PITPNA: variants seen among roughly 807,000 people sequenced by gnomAD.
The protein encoded by PITPNA is phosphatidylinositol transfer protein alpha.
Under a neutral mutation model 50.3 loss-of-function variants are expected in PITPNA, and 13 were observed. The observed-to-expected ratio is 0.26, with a 90% CI of 0.17 to 0.41. PITPNA has a LOEUF of 0.41. Ranked by LOEUF, PITPNA falls within the 10% of genes least tolerant of loss-of-function variation. The probability of loss-of-function intolerance (pLI) is 1.00; values close to 1 mark genes in which losing one functional copy is unlikely to be tolerated. For missense variants in PITPNA, 207 were observed against 333.4 expected (o/e 0.62, Z 2.95); for synonymous variants, 120 against 119.6 (o/e 1.00, Z -0.02).
chr17:1,554,903 T>C (rs1399584868), intron 2 of PITPNA, among the ~76,000 whole-genome samples: 1 of 152,212 alleles, frequency 6.6e-6, no homozygotes, highest in Non-Finnish European at 1.5e-5. Flanking sequence ...AATCCTAAGC[T>C]GCATCAGTGC....
At chr17:1,546,632 G>A (rs888563121) in intron 4 of PITPNA, among the ~76,000 whole-genome samples, 3 of 152,112 alleles carry the variant, frequency 2.0e-5, no homozygotes, top group African/African-American at 4.8e-5. Flanking sequence ...GGAGGCTGGT[G>A]GGAGGAAAGG....
intron 3 of PITPNA, among the ~76,000 whole-genome samples, chr17:1,548,884 T>C (rs1598411427): frequency 1.3e-5 from 2 of 152,318 alleles, no homozygotes; most frequent in East Asian, 1.9e-4. Flanking sequence ...CAAAGTATTT[T>C]CTTCTACTCA....
chr17:1,529,007 G>A (rs113615202), intron 10 of PITPNA, among the ~76,000 whole-genome samples: 14,215 of 151,230 alleles, frequency 0.094, 824 homozygotes, highest in East Asian at 0.14. Context: ...GCGTGGTGGC[G>A]CACACCTGTA....
chr17:1,560,446 G>A (rs1161872076), intron 1 of PITPNA, among the ~76,000 whole-genome samples: 5 of 152,322 alleles, frequency 3.3e-5, no homozygotes, highest in African/African-American at 4.8e-5. Context: ...CACGGGGCAC[G>A]AGTCGGGCAG....
At chr17:1,541,722 T>C (rs1251459170) in intron 5 of PITPNA, 82 bp from the exon 6 acceptor site, 1 of 875,754 alleles carries the variant, frequency 1.1e-6, no homozygotes, top group South Asian at 1.4e-5. Context: ...AGATGGGCAT[T>C]ACTGGATCAT....
Position 1,517,911 on chromosome 17 carries a change from T to C in PITPNA, c.*2650A>G, listed in dbSNP as rs1187233036. 6.6e-6 allele frequency: 1 copy of C among 152,554 alleles called. No homozygotes were observed. Among genetic ancestry groups the C allele is most frequent in the East Asian group, 1.9e-4 (1 of 5,202 alleles). 9.5% of individuals were successfully genotyped at this position (152,554 alleles called of 1,614,324 possible). ...GTACCTCTTCCTAATCCTGCCCTGG[T>C]AAAATGGCGGTTATCAGTGCAAGTT... On this transcript the variant is annotated 3_prime_UTR_variant, in exon 12 of 12. Transcript: ENST00000313486.
intron 3 of PITPNA, 107 bp downstream of exon 3, chr17:1,552,897 G>T: frequency 9.3e-7 from 1 of 1,077,016 alleles, no homozygotes; most frequent in African/African-American, 1.6e-5. Flanking sequence ...TAATTGTTAG[G>T]ATATAACAAT....
At position 1,521,700 on chromosome 17, in the gene PITPNA, G is replaced by A. The variant is rs532864210; in HGVS notation, c.769-55C>T. On this transcript the variant is annotated intron_variant, in intron 10 of 11. Transcript: ENST00000313486. ...GGCTCCTGCTGCTGATGGAACTCCT[G>A]CCTTCTCAGTCCTGCCCATAGGTGG... is the stretch of plus-strand genomic sequence containing the variant. 33 of 1,460,204 alleles carry A rather than the reference G, an allele frequency of 2.3e-5. No individual in the cohort carries two copies. The African/African-American group carries it at 3.8e-4, about 17-fold the overall frequency. The allele number at this position is 1,460,204 out of a possible 1,614,324, so 90.5% of individuals were successfully genotyped here.
At chr17:1,558,036 G>C (rs1478571130) in intron 2 of PITPNA, among the ~76,000 whole-genome samples, 1 of 152,130 alleles carries the variant, frequency 6.6e-6, no homozygotes, top group African/African-American at 2.4e-5. Context: ...TTTGAGACCA[G>C]CCTGGCCAAC....
intron 4 of PITPNA, among the ~76,000 whole-genome samples, 188 bp from the exon 5 acceptor site, chr17:1,543,215 C>G (rs904269545): frequency 6.6e-6 from 1 of 152,132 alleles, no homozygotes; most frequent in African/African-American, 2.4e-5. Context: ...TCAAATTTCA[C>G]TCAGACAAAC....
intron 10 of PITPNA, among the ~76,000 whole-genome samples, chr17:1,529,153 A>AGAGAGAG (rs764282490): frequency 0.01 from 551 of 53,352 alleles, 1 homozygote; most frequent in South Asian, 0.018. Context: ...AAAAAAAAAA[A>AGAGAGAG]AAAGAGAGAG....
rs775085618 is a variant in PITPNA, at chr17:1,534,165, C to T, written c.702G>A (p.Lys234=). ...FHRQLFCWLD[K]WVDLTMDDIR... ...TGTCGTCCATGGTCAGGTCAACCCA[C>T]TTATCGAGCCAACAGAACAGCTGCC... The change falls in exon 10 of 12, where the codon AAG becomes AAA. Residue 234 remains lysine, a synonymous_variant. Coordinates refer to ENST00000313486, the MANE Select transcript of PITPNA (RefSeq NM_006224.4). 2.5e-6 allele frequency: 4 copies of T among 1,613,954 alleles called. No homozygotes were observed. Among genetic ancestry groups the T allele is most frequent in the Non-Finnish European group, 3.4e-6 (4 of 1,179,864 alleles).
intron 7 of PITPNA, among the ~76,000 whole-genome samples, chr17:1,538,218 CA>C (rs2075629414): frequency 1.3e-5 from 2 of 152,172 alleles, no homozygotes; most frequent in Admixed American, 6.5e-5. Flanking sequence ...CTTTTAATCC[CA>C]ATGAGGCCTC....
intron 2 of PITPNA, among the ~76,000 whole-genome samples, chr17:1,554,577 T>C (rs530331350): frequency 6.6e-6 from 1 of 152,088 alleles, no homozygotes; most frequent in South Asian, 2.1e-4. Context: ...AGAAAGGATG[T>C]ATCTCTAGGC....
intron 9 of PITPNA, among the ~76,000 whole-genome samples, chr17:1,534,893 A>G (rs1293979731): frequency 6.6e-6 from 1 of 152,250 alleles, no homozygotes; most frequent in Non-Finnish European, 1.5e-5. Flanking sequence ...GGAAGCCGCC[A>G]AACTGTGAGG....
At chr17:1,526,364 G>C (rs1449588492) in intron 10 of PITPNA, among the ~76,000 whole-genome samples, 1 of 152,228 alleles carries the variant, frequency 6.6e-6, no homozygotes, top group Non-Finnish European at 1.5e-5. Context: ...TGATGAATGG[G>C]GTGAAGCGCG....
chr17:1,537,457 CCAAAGTG>C (rs201404406), intron 7 of PITPNA, among the ~76,000 whole-genome samples: 1,823 of 152,326 alleles, frequency 0.012, 39 homozygotes, highest in African/African-American at 0.041. Context: ...CCTCGGTCTC[CCAAAGTG>C]CTGGGATTAC....
chr17:1,534,180 GAACA>G lies in PITPNA; in HGVS notation c.683_686del (p.Leu228ProfsTer10). The G allele has an allele frequency of 6.2e-7, 1 of 1,613,870 alleles. No individual in the cohort carries two copies. Among genetic ancestry groups the G allele is most frequent in the Non-Finnish European group, 8.5e-7 (1 of 1,179,840 alleles). On this transcript the variant is annotated frameshift_variant, in exon 10 of 12. Transcript: ENST00000313486. LOFTEE classifies it high-confidence loss of function. ...GGTCAACCCACTTATCGAGCCAACA[GAACA>G]GCTGCCTGTGGAAGTTTGTAAACAG...
chr17:1,548,793 G>A (rs761356797), intron 3 of PITPNA, among the ~76,000 whole-genome samples: 1 of 152,214 alleles, frequency 6.6e-6, no homozygotes, highest in Non-Finnish European at 1.5e-5. Flanking sequence ...GACTAACTTG[G>A]GTTTGGGATC....
Sources: allele counts gnomAD v4.1 joint callset (sites outside exome capture counted in the v4.1 genomes callset), GRCh38; gene constraint gnomAD v4.1.1; transcripts MANE v1.5; gene names NCBI Gene and HGNC (gene_info 2026-07-23, HGNC 2026-07-21).